TSNARE1: variants seen among roughly 807,000 people sequenced by gnomAD.
The protein encoded by TSNARE1 is t-SNARE domain containing 1.
In TSNARE1, 49 loss-of-function variants were observed where a neutral mutation model predicts 62.0. The observed-to-expected ratio is 0.79, with a 90% confidence interval of 0.63 to 1.00. The LOEUF is 1.00. Among genes scored for constraint, TSNARE1 ranks in the 50% least tolerant of loss-of-function variants. TSNARE1 has a pLI of 0.00. For missense variants in TSNARE1, 755 were observed against 700.1 expected, an observed-to-expected ratio of 1.08 and a Z score of -0.88; for synonymous variants, 328 against 294.4, an observed-to-expected ratio of 1.11 and a Z score of -1.17.
rs1455548686 is a variant in TSNARE1, at chr8:142,291,859, G to T, written c.1291-7374C>A. ...ACCAGGAGCAGGGGTGGCCGGGCCTGCCCAGGGAACTGTGAGGTGTGGGGT... is the reference window on the plus strand; with the variant it reads ...ACCAGGAGCAGGGGTGGCCGGGCCTTCCCAGGGAACTGTGAGGTGTGGGGT... On this transcript the variant is annotated intron_variant, in intron 10 of 13. Coordinates refer to ENST00000524325, the MANE Select transcript of TSNARE1 (RefSeq NM_145003.5). This position sits in a 1 kb window ranked among gnomAD's most constrained non-coding sequence, Gnocchi z 4.8. Among the ~76,000 whole-genome samples, 1 of 152,092 alleles carries T rather than the reference G, an allele frequency of 6.6e-6. No individual in the cohort carries two copies. The highest frequency in any genetic ancestry group is 1.9e-4 in the East Asian group (1 of 5,158).
chr8:142,370,459 C>T (rs1233098513), intron 1 of TSNARE1, among the ~76,000 whole-genome samples: 2 of 152,090 alleles, frequency 1.3e-5, no homozygotes, highest in African/African-American at 4.8e-5. Context: ...ATGTGCCCAG[C>T]TACTCGGCAG....
At chr8:142,287,792 G>C (rs1823010837) in intron 10 of TSNARE1, among the ~76,000 whole-genome samples, 1 of 148,494 alleles carries the variant, frequency 6.7e-6, no homozygotes, top group African/African-American at 2.5e-5. Flanking sequence ...AGGGACAGTG[G>C]GCCACCCTCC....
At position 142,379,529 on chromosome 8, in the gene TSNARE1, C is replaced by T. The variant is rs935629707; in HGVS notation, c.-40+23575G>A. 3.9e-5 allele frequency among the ~76,000 whole-genome samples: 6 copies of T among 152,210 alleles called. No individual in the cohort carries two copies. In the East Asian group the frequency reaches 5.8e-4, roughly 15 times the overall value. ...GCCAGGGGCACGATGGGGAACGGGG[C>T]GGGGAGGCCCACTTGTCCTTACACC... On this transcript the variant is annotated intron_variant, in intron 1 of 13. Coordinates refer to ENST00000524325, the MANE Select transcript of TSNARE1 (RefSeq NM_145003.5).
At chr8:142,364,955 G>A (rs1326242176) in intron 1 of TSNARE1, among the ~76,000 whole-genome samples, 2 of 152,224 alleles carry the variant, frequency 1.3e-5, no homozygotes, top group African/African-American at 4.8e-5. Flanking sequence ...TGGTAAGAAT[G>A]TCCAACAGAT....
At chr8:142,308,293 C>T (rs1044961612) in intron 9 of TSNARE1, among the ~76,000 whole-genome samples, 1 of 152,138 alleles carries the variant, frequency 6.6e-6, no homozygotes, top group Non-Finnish European at 1.5e-5. Flanking sequence ...GTGAAGGCGT[C>T]GGGGAGCCTC....
intron 10 of TSNARE1, among the ~76,000 whole-genome samples, chr8:142,294,784 C>T (rs979732076): frequency 2.0e-5 from 3 of 152,222 alleles, no homozygotes; most frequent in Non-Finnish European, 2.9e-5. Flanking sequence ...CTCCTGGACA[C>T]GACCTAATTA....
At chr8:142,250,269 G>T (rs911164097) in intron 12 of TSNARE1, among the ~76,000 whole-genome samples, 1 of 152,154 alleles carries the variant, frequency 6.6e-6, no homozygotes, top group African/African-American at 2.4e-5. Flanking sequence ...ATGCAAATTT[G>T]GGGGACATGG....
In TSNARE1 at chr8:142,217,303, A is replaced by AAG. The variant is rs1417182456; in HGVS notation, c.*12-4991_*12-4990insCT. Among the ~76,000 whole-genome samples, 910 of 126,652 alleles carry AAG rather than the reference A, an allele frequency of 7.2e-3. 16 individuals are homozygous for AAG. The highest frequency in any genetic ancestry group is 0.025 in the African/African-American group (768 of 30,666). The allele number at this position is 126,652 out of a possible 152,430, so 83.1% of individuals were successfully genotyped here. The stretch of plus-strand genomic sequence containing the variant: ...AATAAAAAGAAGAAAGAAAGAAAGA[A>AAG]AAAGAAAGAAAGAAAGAAAGAAAGA... On this transcript the variant is annotated intron_variant, in intron 13 of 13. Transcript: ENST00000524325.
intron 11 of TSNARE1, chr8:142,278,608 G>GGAGCCAGCATCACCCTCA (rs1478069266): frequency 3.0e-6 from 3 of 985,330 alleles, no homozygotes; most frequent in African/African-American, 3.5e-5. Flanking sequence ...GAGGAAGCAC[G>GGAGCCAGCATCACCCTCA]GAGCCAGCAT....
intron 12 of TSNARE1, among the ~76,000 whole-genome samples, chr8:142,238,178 G>A (rs989558159): frequency 7.9e-5 from 12 of 152,012 alleles, no homozygotes; most frequent in Admixed American, 5.2e-4. Flanking sequence ...GTCTCCCTGG[G>A]TCTCCAGGAC....
intron 11 of TSNARE1, among the ~76,000 whole-genome samples, chr8:142,280,817 G>A (rs1266363460): frequency 2.0e-5 from 3 of 152,174 alleles, no homozygotes; most frequent in Non-Finnish European, 4.4e-5. Context: ...CAGAGCGATA[G>A]GAGGGGTCCT....
chr8:142,282,099 C>T (rs1022552327), intron 11 of TSNARE1, among the ~76,000 whole-genome samples: 1 of 152,206 alleles, frequency 6.6e-6, no homozygotes. Flanking sequence ...TGAGGGCCCA[C>T]GGTGCTGGCT....
chr8:142,281,796 C>G (rs1821523411), intron 11 of TSNARE1, among the ~76,000 whole-genome samples: 1 of 151,156 alleles, frequency 6.6e-6, no homozygotes, highest in South Asian at 2.1e-4. Context: ...TGACCTCTGT[C>G]CCATCTGGGA....
chr8:142,261,485 C>G (rs1260531469), intron 12 of TSNARE1, among the ~76,000 whole-genome samples: 1 of 151,884 alleles, frequency 6.6e-6, no homozygotes, highest in African/African-American at 2.4e-5. Flanking sequence ...GAACTCAGCA[C>G]ATGCTGGGAT....
chr8:142,214,735 G>A (rs187057136), intron 13 of TSNARE1, among the ~76,000 whole-genome samples: 1 of 152,288 alleles, frequency 6.6e-6, no homozygotes, highest in Non-Finnish European at 1.5e-5. Flanking sequence ...CCGTGGTCCT[G>A]AGGGTGCAGC....
intron 4 of TSNARE1, among the ~76,000 whole-genome samples, chr8:142,341,905 C>T (rs1477825675): frequency 6.6e-6 from 1 of 152,222 alleles, no homozygotes; most frequent in African/African-American, 2.4e-5. Flanking sequence ...GGCAGGAGGA[C>T]TTCTTCATGT....
At chr8:142,261,310 AAGGAGGGATGGAGGAGAGAGGG>A in intron 12 of TSNARE1, among the ~76,000 whole-genome samples, 1 of 108,460 alleles carries the variant, frequency 9.2e-6, no homozygotes, top group East Asian at 3.6e-4. Flanking sequence ...AGGAGAGAGG[AAGGAGGGATGGAGGAGAGAGGG>A]AGGAGGGAGG....
At chr8:142,222,756 T>C (rs1337866426) in intron 13 of TSNARE1, among the ~76,000 whole-genome samples, 1 of 96,322 alleles carries the variant, frequency 1.0e-5, no homozygotes. Flanking sequence ...ACTCATCCAC[T>C]CACTCACTCA....
At chr8:142,286,443 C>T (rs67317093) in intron 10 of TSNARE1, among the ~76,000 whole-genome samples, 42,142 of 152,128 alleles carry the variant, frequency 0.28, 6,016 homozygotes, top group African/African-American at 0.33. Flanking sequence ...ATTCAATTAT[C>T]AGGCTTAAAT....
Sources: gnomAD v4.1 joint callset for allele counts (sites outside exome capture counted in the v4.1 genomes callset) on GRCh38, gnomAD v4.1.1 for gene constraint, Gnocchi (gnomAD v3.1) non-coding constraint, MANE v1.5 for transcripts, NCBI Gene and HGNC (gene_info 2026-07-23, HGNC 2026-07-21) for gene names.